NFS1: variants seen among roughly 807,000 people sequenced by gnomAD.
The protein encoded by NFS1 is cysteine desulfurase.
NFS1 carries 26 observed loss-of-function variants against 57.3 expected under a neutral mutation model. That is an observed-to-expected ratio of 0.45 (90% CI 0.33 to 0.63). The LOEUF (loss-of-function observed/expected upper bound fraction) is 0.63, where lower values mean the gene tolerates loss of function less well. Among genes scored for constraint, NFS1 ranks in the 20% least tolerant of loss-of-function variants. The probability of loss-of-function intolerance (pLI) is 0.02; values close to 1 mark genes in which losing one functional copy is unlikely to be tolerated. For synonymous variants in NFS1, 209 were observed against 216.3 expected, an observed-to-expected ratio of 0.97 and a Z score of 0.30; for missense variants, 505 against 605.8, an observed-to-expected ratio of 0.83 and a Z score of 1.75.
At position 35,669,519 on chromosome 20, in the gene NFS1, A is replaced by C. The variant is rs2034617771; in HGVS notation, c.*103T>G. 1.0e-6 allele frequency: 1 copy of C among 1,003,984 alleles called. No individual in the cohort carries two copies. Among genetic ancestry groups the C allele is most frequent in the African/African-American group, 1.6e-5 (1 of 63,128 alleles). 62.2% of individuals were successfully genotyped at this position (1,003,984 alleles called of 1,614,324 possible). On this transcript the variant is annotated 3_prime_UTR_variant, in exon 13 of 13. Transcript: ENST00000374092. ...GACTGATGCTGAAGTCAACTGGTCT[A>C]TACCAATCTAGAGCATCCACTAGGT... is the stretch of plus-strand genomic sequence containing the variant.
chr20:35,680,651 C>T (rs1490443173), intron 7 of NFS1, 86 bp downstream of exon 7: 2 of 1,201,668 alleles, frequency 1.7e-6, no homozygotes, highest in African/African-American at 3.2e-5. Flanking sequence ...CTGAGAGCAA[C>T]AGTAGTCCCA....
At position 35,690,563 on chromosome 20, in the gene NFS1, C is replaced by A. The variant is rs965418992; in HGVS notation, c.411G>T (p.Gly137=). The change falls in exon 5 of 13, where the codon GGG becomes GGT. Residue 137 remains glycine (G), a splice_region_variant and synonymous_variant. Coordinates refer to ENST00000374092, the MANE Select transcript of NFS1 (RefSeq NM_021100.5). ...TCCGTGACCTGTAGAATCGGGCCAC[C>A]CCCTAGAAATTGGTGGTGACAGATG... ...ATESNNIAIK[G]VARFYRSRKK... is the part of the protein sequence containing the mutation. 3.1e-6 allele frequency: 5 copies of A among 1,613,770 alleles called. No individual in the cohort carries two copies. Among genetic ancestry groups the A allele is most frequent in the Middle Eastern group, 1.7e-4 (1 of 6,054 alleles).
At chr20:35,694,686 G>A (rs1482243869) in intron 4 of NFS1, 2 of 151,978 alleles carry the variant, frequency 1.3e-5, no homozygotes, top group Admixed American at 1.3e-4. Context: ...TCAGGAGATC[G>A]AGACCATTCT....
rs776667112 is a variant in NFS1 at position 35,698,546 on chromosome 20, C to T, written c.142G>A (p.Ala48Thr). ...AGCACTGGCCCCACCTCCGGGGCAG[C>T]GGCTGTATCTGCGGGAACCGCAGAC... ...PQSAVPADTA[A>T]APEVGPVLRP... is the part of the protein sequence containing the mutation. Residue 48 changes from alanine to threonine, a missense_variant, in exon 2 of 13, where the codon GCT becomes ACT. Coordinates refer to ENST00000374092, the MANE Select transcript of NFS1 (RefSeq NM_021100.5). 5.0e-6 allele frequency: 8 copies of T among 1,613,586 alleles called. No homozygotes were observed. The highest frequency in any genetic ancestry group is 3.3e-5 in the South Asian group (3 of 91,046).
At position 35,699,221 on chromosome 20, in the gene NFS1, G is replaced by C. The variant is rs2035200432; in HGVS notation, c.68C>G (p.Ala23Gly). 3 of 1,427,038 alleles carry C rather than the reference G, an allele frequency of 2.1e-6. No individual in the cohort carries two copies. Among genetic ancestry groups the C allele is most frequent in the South Asian group, 1.5e-5 (1 of 68,822 alleles). The allele number at this position is 1,427,038 out of a possible 1,614,324, so 88.4% of individuals were successfully genotyped here. A position where few individuals can be genotyped will look rare whatever the true frequency, so the allele number is the denominator to read the frequency against. ...CAGGCGCAGCCCCCGAGTGGGCGCC[G>C]CGGGCTTCGGCCCTGGAGCCGCTGT... ...AVTAAPGPKP[A>G]APTRGLRLRV... Residue 23 changes from alanine to glycine, a missense_variant, in exon 1 of 13, where the codon GCG becomes GGG. By Grantham distance (60) the Ala-to-Gly change is moderately conservative. Coordinates refer to ENST00000374092, the MANE Select transcript of NFS1 (RefSeq NM_021100.5). The surrounding 1 kb of genome is among the most constrained non-coding windows in gnomAD (Gnocchi z 4.4).
intron 12 of NFS1, among the ~76,000 whole-genome samples, chr20:35,671,536 A>C (rs1433436572): frequency 6.6e-6 from 1 of 152,154 alleles, no homozygotes; most frequent in African/African-American, 2.4e-5. Context: ...GTGCCACTGC[A>C]CTCCAGCCTG....
At chr20:35,697,546 A>C in intron 3 of NFS1, 138 bp downstream of exon 3, 2 of 591,182 alleles carry the variant, frequency 3.4e-6, no homozygotes, top group Non-Finnish European at 6.0e-6. Flanking sequence ...GTCAAACTCC[A>C]AGGCTGCTCT....
chr20:35,675,512 G>A, intron 7 of NFS1: 1 of 347,452 alleles, frequency 2.9e-6, no homozygotes, highest in Non-Finnish European at 5.2e-6. Flanking sequence ...GAACAACTTA[G>A]ATGTCCATCA....
At chr20:35,680,032 T>G (rs188665644) in intron 7 of NFS1, among the ~76,000 whole-genome samples, 12 of 152,160 alleles carry the variant, frequency 7.9e-5, no homozygotes, top group African/African-American at 2.9e-4. Flanking sequence ...TAGCTGGGCT[T>G]GGTGGCTCAC....
chr20:35,698,414 T>C, intron 2 of NFS1, 67 bp downstream of exon 2: 1 of 1,214,592 alleles, frequency 8.2e-7, no homozygotes, highest in Non-Finnish European at 1.2e-6. Context: ...GATTCAGCCA[T>C]TTCTTTGCGT....
chr20:35,688,055 C>A (rs1212414087), intron 5 of NFS1, among the ~76,000 whole-genome samples: 1 of 152,118 alleles, frequency 6.6e-6, no homozygotes, highest in Non-Finnish European at 1.5e-5. Context: ...ACTAGCCTGG[C>A]CAACATGGTG....
intron 5 of NFS1, among the ~76,000 whole-genome samples, chr20:35,685,610 G>T (rs2034926091): frequency 6.7e-6 from 1 of 148,154 alleles, no homozygotes; most frequent in Non-Finnish European, 1.5e-5. Flanking sequence ...TGTAATCCCA[G>T]CATTTTGAGA....
Position 35,698,484 on chromosome 20 carries a change from A to T in NFS1, c.204T>A (p.Pro68=). 1 of 1,604,398 alleles carries T rather than the reference A, an allele frequency of 6.2e-7. No individual in the cohort carries two copies. Among genetic ancestry groups the T allele is most frequent in the Non-Finnish European group, 8.5e-7 (1 of 1,174,996 alleles). Reference sequence around the variant, plus strand: ...TTGGGAAAAGCTTCATCCTTACCAGAGGAGTTGTAGCTTGCACATCCATAT... The same window carrying T: ...TTGGGAAAAGCTTCATCCTTACCAGTGGAGTTGTAGCTTGCACATCCATAT... The part of the protein sequence containing the change: ...PLYMDVQATT[P]LDPRVLDAML... The change falls in exon 2 of 13, where the codon CCT becomes CCA. Residue 68 remains proline (P), a synonymous_variant. Transcript: ENST00000374092.
intron 4 of NFS1, among the ~76,000 whole-genome samples, chr20:35,693,855 A>G (rs759634595): frequency 6.6e-6 from 1 of 152,068 alleles, no homozygotes; most frequent in Non-Finnish European, 1.5e-5. Context: ...CTACCTACTC[A>G]GGAGGCTGAG....
chr20:35,687,004 G>A (rs1601529753), intron 5 of NFS1, among the ~76,000 whole-genome samples: 1 of 152,210 alleles, frequency 6.6e-6, no homozygotes, highest in African/African-American at 2.4e-5. Flanking sequence ...CGAGCCTTCT[G>A]TTATGCGTGG....
chr20:35,683,510 G>A (rs920916753), intron 5 of NFS1, among the ~76,000 whole-genome samples: 2 of 150,260 alleles, frequency 1.3e-5, no homozygotes, highest in African/African-American at 4.9e-5. Context: ...GCCAGGCACG[G>A]TGGCTCACAC....
chr20:35,694,685 C>A (rs1385880102), intron 4 of NFS1: 1 of 151,936 alleles, frequency 6.6e-6, no homozygotes, highest in Admixed American at 6.6e-5. Context: ...GTCAGGAGAT[C>A]GAGACCATTC....
chr20:35,669,492 T>C lies in NFS1; in HGVS notation c.*130A>G. ...TTTTCTTGTGTTTCTGTCATAGAGG[T>C]GGACTGATGCTGAAGTCAACTGGTC... is the stretch of plus-strand genomic sequence containing the variant. On this transcript the variant is annotated 3_prime_UTR_variant, in exon 13 of 13. Transcript: ENST00000374092. The C allele has an allele frequency of 1.3e-6, 1 of 756,606 alleles. No homozygotes were observed. Among genetic ancestry groups the C allele is most frequent in the Admixed American group, 2.0e-5 (1 of 50,614 alleles). The allele number at this position is 756,606 out of a possible 1,614,324, so 46.9% of individuals were successfully genotyped here.
chr20:35,679,622 A>G (rs2034814353), intron 7 of NFS1, among the ~76,000 whole-genome samples: 1 of 152,222 alleles, frequency 6.6e-6, no homozygotes, highest in East Asian at 1.9e-4. Flanking sequence ...ATTAAAAGAC[A>G]GAACGCTTAC....
Sources: allele counts gnomAD v4.1 joint callset (sites outside exome capture counted in the v4.1 genomes callset), GRCh38; gene constraint gnomAD v4.1.1; non-coding constraint Gnocchi (gnomAD v3.1); transcripts MANE v1.5; gene names NCBI Gene and HGNC (gene_info 2026-07-23, HGNC 2026-07-21).